SHC3: variants seen among roughly 807,000 people sequenced by gnomAD.
The protein encoded by SHC3 is SHC adaptor protein 3, also known as SHC-transforming protein 3.
Under a neutral mutation model 60.4 loss-of-function variants are expected in SHC3, and 15 were observed. The observed-to-expected ratio is 0.25, with a 90% CI of 0.17 to 0.38. The LOEUF (loss-of-function observed/expected upper bound fraction) is 0.38. Among genes scored for constraint, SHC3 ranks in the 10% least tolerant of loss-of-function variants. The probability of loss-of-function intolerance (pLI) is 1.00; values close to 1 mark genes in which losing one functional copy is unlikely to be tolerated. For synonymous variants in SHC3, 294 were observed against 325.9 expected (o/e 0.90, Z 1.05); for missense variants, 677 against 786.1 (o/e 0.86, Z 1.66).
intron 2 of SHC3, among the ~76,000 whole-genome samples, chr9:89,082,540 AC>A (rs1825461821): frequency 6.6e-6 from 1 of 152,082 alleles, no homozygotes; most frequent in African/African-American, 2.4e-5. Context: ...CCCCTCACTG[AC>A]TCTGAAGCTA....
chr9:89,158,882 T>C (rs982297190), intron 1 of SHC3, among the ~76,000 whole-genome samples: 1 of 152,226 alleles, frequency 6.6e-6, no homozygotes, highest in Non-Finnish European at 1.5e-5. Flanking sequence ...GTGTGACATT[T>C]GCTTTGTTGG....
At chr9:89,140,489 G>A (rs1826378027) in intron 1 of SHC3, among the ~76,000 whole-genome samples, 1 of 152,108 alleles carries the variant, frequency 6.6e-6, no homozygotes, top group African/African-American at 2.4e-5. Flanking sequence ...AAGAGCATGT[G>A]TTTCTTATCC....
intron 2 of SHC3, chr9:89,109,094 T>C (rs1280414602): frequency 3.0e-6 from 3 of 985,452 alleles, no homozygotes; most frequent in African/African-American, 3.5e-5. Flanking sequence ...ACAGCTTCTC[T>C]CAGCCTGGGC....
chr9:89,093,302 A>T (rs1300455445), intron 2 of SHC3, among the ~76,000 whole-genome samples: 2 of 152,242 alleles, frequency 1.3e-5, no homozygotes, highest in Non-Finnish European at 2.9e-5. Context: ...ATTTACAGGA[A>T]ATTCTAGAAA....
rs1339558228 is a variant in SHC3 at position 89,028,728 on chromosome 9, T to TAG, written c.1656+9264_1656+9265insCT. ...TCTATATATATCTATATAGAGAATA[T>TAG]ATATTCTCTATATAGATATATATTC... is the stretch of plus-strand genomic sequence containing the variant. On this transcript the variant is annotated intron_variant, in intron 11 of 11. Coordinates refer to ENST00000375835, the MANE Select transcript of SHC3 (RefSeq NM_016848.6). 4.3e-3 allele frequency among the ~76,000 whole-genome samples: 625 copies of TAG among 144,572 alleles called. 15 individuals are homozygous for TAG. The highest frequency in any genetic ancestry group is 0.037 in the Admixed American group (538 of 14,452). The allele number at this position is 144,572 out of a possible 152,430, so 94.8% of individuals were successfully genotyped here. A position where few individuals can be genotyped will look rare whatever the true frequency, so the allele number is the denominator to read the frequency against.
intron 1 of SHC3, among the ~76,000 whole-genome samples, chr9:89,157,581 CAAAATGTTTTTTTAATTTTTG>C (rs556212221): frequency 1.5e-3 from 231 of 152,220 alleles, no homozygotes; most frequent in African/African-American, 5.3e-3. Context: ...AATATATTGC[CAAAATGTTTTTTTAATTTTTG>C]TCAATCTTCC....
chr9:89,139,202 T>A (rs897127554), intron 1 of SHC3, among the ~76,000 whole-genome samples: 1 of 152,148 alleles, frequency 6.6e-6, no homozygotes, highest in Non-Finnish European at 1.5e-5. Context: ...TGAGCAGCAG[T>A]CAGAGATTGC....
chr9:89,166,297 G>A (rs1475088564), intron 1 of SHC3, among the ~76,000 whole-genome samples: 1 of 152,160 alleles, frequency 6.6e-6, no homozygotes, highest in Non-Finnish European at 1.5e-5. Context: ...TGAAGGAGCA[G>A]GAAGCAAAAA....
chr9:89,060,847 A>C (rs1356004672), intron 6 of SHC3, among the ~76,000 whole-genome samples: 1 of 152,108 alleles, frequency 6.6e-6, no homozygotes, highest in African/African-American at 2.4e-5. Flanking sequence ...GGTAAGATGG[A>C]AGGCTTTGCC....
At chr9:89,157,579 G>A (rs144477280) in intron 1 of SHC3, among the ~76,000 whole-genome samples, 1 of 152,218 alleles carries the variant, frequency 6.6e-6, no homozygotes, top group East Asian at 1.9e-4. Flanking sequence ...CTAATATATT[G>A]CCAAAATGTT....
intron 3 of SHC3, 56 bp from the exon 4 acceptor site, chr9:89,075,284 G>A (rs879055428): frequency 5.5e-5 from 87 of 1,594,812 alleles, no homozygotes; most frequent in Non-Finnish European, 7.4e-5. Context: ...AAAGGGTGGG[G>A]ATGTGGATGC....
chr9:89,025,934 T>A (rs758540159), intron 11 of SHC3, among the ~76,000 whole-genome samples: 2 of 152,120 alleles, frequency 1.3e-5, no homozygotes, highest in Non-Finnish European at 2.9e-5. Context: ...AAGAGTCTGG[T>A]ACCTTTTTAA....
chr9:89,075,547 T>C (rs1008003410), intron 3 of SHC3, among the ~76,000 whole-genome samples: 1 of 152,206 alleles, frequency 6.6e-6, no homozygotes, highest in Non-Finnish European at 1.5e-5. Context: ...AGTCCTCATA[T>C]GTAAACCTGG....
rs1293921947 is a variant in SHC3 at position 89,005,930 on chromosome 9, A to G, written c.*7517T>C. The G allele has an allele frequency of 6.6e-6, 1 of 152,214 alleles. No homozygotes were observed. The allele number at this position is 152,214 out of a possible 1,614,324, so 9.4% of individuals were successfully genotyped here. ...TGTAACAAGGTGCATTTTATAGAAA[A>G]CATCTAATTAAATCACCAGTTTCAT... On this transcript the variant is annotated 3_prime_UTR_variant, in exon 12 of 12. Transcript: ENST00000375835.
intron 1 of SHC3, among the ~76,000 whole-genome samples, chr9:89,164,277 G>T (rs564077861): frequency 6.6e-6 from 1 of 152,134 alleles, no homozygotes; most frequent in Non-Finnish European, 1.5e-5. Flanking sequence ...GAGCTCTGGA[G>T]ACCCTGAGCA....
At chr9:89,060,451 A>G (rs534915181) in intron 6 of SHC3, among the ~76,000 whole-genome samples, 1 of 152,038 alleles carries the variant, frequency 6.6e-6, no homozygotes, top group Non-Finnish European at 1.5e-5. Context: ...GCGGCACTGG[A>G]GAAGATACCT....
chr9:89,069,984 C>T (rs767688110), intron 5 of SHC3, among the ~76,000 whole-genome samples: 11 of 152,160 alleles, frequency 7.2e-5, no homozygotes, highest in Non-Finnish European at 1.5e-4. Flanking sequence ...CCTACTTGTG[C>T]TAGTAAAACA....
chr9:89,104,019 G>A (rs1206838361), intron 2 of SHC3, among the ~76,000 whole-genome samples: 1 of 152,164 alleles, frequency 6.6e-6, no homozygotes, highest in Admixed American at 6.5e-5. Flanking sequence ...CTGGCATGAG[G>A]ATTATAAAAA....
intron 1 of SHC3, among the ~76,000 whole-genome samples, chr9:89,129,811 T>C (rs572846245): frequency 2.7e-4 from 41 of 152,212 alleles, no homozygotes; most frequent in African/African-American, 9.6e-4. Context: ...ACATGCCAAA[T>C]TGTAAAGACC....
Sources: allele counts gnomAD v4.1 joint callset (sites outside exome capture counted in the v4.1 genomes callset), GRCh38; gene constraint gnomAD v4.1.1; transcripts MANE v1.5; gene names NCBI Gene and HGNC (gene_info 2026-07-23, HGNC 2026-07-21).